Variants in GNE observed in about 807,000 individuals in gnomAD.
The protein encoded by GNE is bifunctional UDP-N-acetylglucosamine 2-epimerase/N-acetylmannosamine kinase.
GNE carries 41 observed loss-of-function variants against 61.8 expected under a neutral mutation model. That is an observed-to-expected ratio of 0.66 (90% confidence interval 0.52 to 0.86). The LOEUF is 0.86. Among genes scored for constraint, GNE ranks in the 40% least tolerant of loss-of-function variants. GNE has a pLI of 0.00. For synonymous variants in GNE, 264 were observed against 326.4 expected, an observed-to-expected ratio of 0.81 and a Z score of 2.06; for missense variants, 608 against 909.1, an observed-to-expected ratio of 0.67 and a Z score of 4.26.
chr9:36,219,274 G>A (rs535687296), intron 10 of GNE, among the ~76,000 whole-genome samples: 1 of 151,954 alleles, frequency 6.6e-6, no homozygotes, highest in South Asian at 2.1e-4. Flanking sequence ...ATCTCGGCTC[G>A]CCATGCCCTC....
upstream of GNE, among the ~76,000 whole-genome samples, chr9:36,260,931 C>T (rs1489736519): frequency 2.1e-5 from 3 of 144,908 alleles, no homozygotes; most frequent in Non-Finnish European, 4.5e-5. Context: ...CAGTTTTGGA[C>T]GTTAAGGATC....
At chr9:36,252,828 G>GCAAA (rs10651215) in intron 1 of GNE, among the ~76,000 whole-genome samples, 114,539 of 151,590 alleles carry the variant, frequency 0.76, 43,750 homozygotes, top group Non-Finnish European at 0.8. Context: ...TTCCCTGGAA[G>GCAAA]CAGTTACTGG....
In GNE at chr9:36,216,000, A is replaced by G. The variant is rs1336014592; in HGVS notation, c.*1365T>C. ...GGCTTCTCAGCTGTCCTAAGAAGAT[A>G]AGGACAAGGTCACTAAGGCCACTGT... On this transcript the variant is annotated 3_prime_UTR_variant, in exon 12 of 12. Coordinates refer to ENST00000642385, the MANE Select transcript of GNE (RefSeq NM_005476.7). 1 of 280,928 alleles carries G rather than the reference A, an allele frequency of 3.6e-6. No individual in the cohort carries two copies. Among genetic ancestry groups the G allele is most frequent in the Non-Finnish European group, 7.2e-6 (1 of 139,470 alleles). 17.4% of individuals were successfully genotyped at this position (280,928 alleles called of 1,614,324 possible). A position where few individuals can be genotyped will look rare whatever the true frequency, so the allele number is the denominator to read the frequency against.
At chr9:36,245,976 G>T in intron 3 of GNE, 55 bp downstream of exon 3, 1 of 1,342,910 alleles carries the variant, frequency 7.4e-7, no homozygotes, top group Non-Finnish European at 1.1e-6. Flanking sequence ...TGAAATAGAC[G>T]GAACATTTTC....
At chr9:36,241,167 G>A (rs1236453476) in intron 3 of GNE, among the ~76,000 whole-genome samples, 1 of 151,168 alleles carries the variant, frequency 6.6e-6, no homozygotes, top group African/African-American at 2.4e-5. Flanking sequence ...CCAGGTTGGA[G>A]TGCAGTGGCA....
chr9:36,218,410 C>T lies in GNE; in HGVS notation c.1817-111G>A. On this transcript the variant is annotated intron_variant, in intron 10 of 11. Transcript: ENST00000642385. The surrounding 1 kb of genome is among the most constrained non-coding windows in gnomAD (Gnocchi z 4.1). Reference sequence around the variant, plus strand: ...ACATGGGAAGACGGTGTTTTCTTTTCACAATTGCAAAGCTTATCGTTCACA... The same window carrying T: ...ACATGGGAAGACGGTGTTTTCTTTTTACAATTGCAAAGCTTATCGTTCACA... 2.6e-6 allele frequency: 2 copies of T among 772,006 alleles called. No homozygotes were observed. The highest frequency in any genetic ancestry group is 2.8e-5 in the South Asian group (2 of 71,072). The allele number at this position is 772,006 out of a possible 1,614,324, so 47.8% of individuals were successfully genotyped here.
chr9:36,261,008 G>A (rs1223164329), upstream of GNE, among the ~76,000 whole-genome samples: 1 of 151,930 alleles, frequency 6.6e-6, no homozygotes, highest in African/African-American at 2.4e-5. Flanking sequence ...GAGGCTGCCA[G>A]GGAGAATTCA....
chr9:36,239,407 T>C (rs1829540061), intron 3 of GNE, among the ~76,000 whole-genome samples: 1 of 152,078 alleles, frequency 6.6e-6, no homozygotes, highest in African/African-American at 2.4e-5. Flanking sequence ...TCCATGAGCA[T>C]GGGATGTGTT....
chr9:36,260,878 A>AG, upstream of GNE, among the ~76,000 whole-genome samples: 1 of 149,198 alleles, frequency 6.7e-6, no homozygotes, highest in African/African-American at 2.5e-5. Flanking sequence ...CAAAAAAAAA[A>AG]AAAAAAAAAA....
In GNE at chr9:36,218,525, C is replaced by T. The variant is rs144349010; in HGVS notation, c.1817-226G>A. Among the ~76,000 whole-genome samples, 85 of 152,348 alleles carry T rather than the reference C, an allele frequency of 5.6e-4. No individual in the cohort carries two copies. Among genetic ancestry groups the T allele is most frequent in the Non-Finnish European group, 9.1e-4 (62 of 68,034 alleles). On this transcript the variant is annotated intron_variant, in intron 10 of 11. Coordinates refer to ENST00000642385, the MANE Select transcript of GNE (RefSeq NM_005476.7). This position sits in a 1 kb window ranked among gnomAD's most constrained non-coding sequence, Gnocchi z 4.1. Reference sequence around the variant, plus strand: ...AGAACCTATCTTCCTGGAAAAACCTCAAGTCTGACGACAGCCTCCTACCCC... The same window carrying T: ...AGAACCTATCTTCCTGGAAAAACCTTAAGTCTGACGACAGCCTCCTACCCC...
intron 1 of GNE, chr9:36,265,027 T>G (rs1196103469): frequency 3.5e-6 from 1 of 283,948 alleles, no homozygotes; most frequent in African/African-American, 2.2e-5. Flanking sequence ...CACTGCTGTT[T>G]GCCGCAGTCG....
chr9:36,248,026 CA>C (rs34605685), intron 2 of GNE, among the ~76,000 whole-genome samples: 5,121 of 80,718 alleles, frequency 0.063, 197 homozygotes, highest in African/African-American at 0.15. Flanking sequence ...AACTCCGTCT[CA>C]AAAAAAAAAA....
intron 7 of GNE, among the ~76,000 whole-genome samples, chr9:36,224,093 A>G (rs902681376): frequency 6.6e-6 from 1 of 151,694 alleles, no homozygotes; most frequent in South Asian, 2.1e-4. Flanking sequence ...CGCTAATTTG[A>G]GCCTAGTTCA....
intron 1 of GNE, among the ~76,000 whole-genome samples, chr9:36,272,056 G>A (rs939050832): frequency 2.6e-5 from 4 of 152,122 alleles, no homozygotes; most frequent in Non-Finnish European, 4.4e-5. Context: ...CTAGGCTCAC[G>A]ATCGTAGTAA....
At chr9:36,249,055 G>A in intron 2 of GNE, 137 bp downstream of exon 2, 1 of 706,168 alleles carries the variant, frequency 1.4e-6, no homozygotes. Flanking sequence ...GCTCAGAGAT[G>A]CTAAGTGACT....
upstream of GNE, among the ~76,000 whole-genome samples, chr9:36,261,564 A>AC (rs1458740382): frequency 2.0e-5 from 3 of 150,496 alleles, no homozygotes; most frequent in African/African-American, 4.9e-5. Flanking sequence ...AAAAAAAAAA[A>AC]AAAAAGATGT....
chr9:36,227,422 C>A lies in GNE; in HGVS notation c.1107G>T (p.Arg369Ser), dbSNP rs1349735343. 1 of 1,612,290 alleles carries A rather than the reference C, an allele frequency of 6.2e-7. No individual in the cohort carries two copies. The highest frequency in any genetic ancestry group is 8.5e-7 in the Non-Finnish European group (1 of 1,178,362). Residue 369 changes from arginine to serine, a missense_variant, in exon 7 of 12, where the codon AGG becomes AGT. Coordinates refer to ENST00000642385, the MANE Select transcript of GNE (RefSeq NM_005476.7). ...KIYGDGNAVP[R>S]ILKFLKSIDL... is the part of the protein sequence containing the mutation. ...CGATAGATTTGAGAAACTTCAAAAT[C>A]CTTGGAACAGCATTTCCATCCCCAT...
upstream of GNE, among the ~76,000 whole-genome samples, chr9:36,262,826 T>C (rs1830653397): frequency 6.6e-6 from 1 of 152,178 alleles, no homozygotes; most frequent in African/African-American, 2.4e-5. Context: ...TTTTATTTGG[T>C]GATTTAATTA....
Position 36,218,995 on chromosome 9 carries a change from A to C in GNE, c.1817-696T>G, listed in dbSNP as rs1255509235. On this transcript the variant is annotated intron_variant, in intron 10 of 11. Transcript: ENST00000642385. This position sits in a 1 kb window ranked among gnomAD's most constrained non-coding sequence, Gnocchi z 4.1. ...ACCAACTCAGATCAATCTGCCTCCT[A>C]CTAATCTGCTAGAATATCTGGACCC... Among the ~76,000 whole-genome samples the C allele has an allele frequency of 6.6e-6, 1 of 152,090 alleles. No individual in the cohort carries two copies. The highest frequency in any genetic ancestry group is 1.5e-5 in the Non-Finnish European group (1 of 68,000).
Sources: allele counts gnomAD v4.1 joint callset (sites outside exome capture counted in the v4.1 genomes callset), GRCh38; gene constraint gnomAD v4.1.1; non-coding constraint Gnocchi (gnomAD v3.1); transcripts MANE v1.5; gene names NCBI Gene and HGNC (gene_info 2026-07-23, HGNC 2026-07-21).